The following FBLN1 variants were observed in gnomAD, a reference collection of about 807,000 sequenced individuals.
FBLN1 encodes fibulin 1, also known as fibulin-1.
In FBLN1, 34 loss-of-function variants were observed where a neutral mutation model predicts 89.7. That is an observed-to-expected ratio of 0.38 (90% confidence interval 0.29 to 0.50). The LOEUF (loss-of-function observed/expected upper bound fraction) is 0.50. Among genes scored for constraint, FBLN1 ranks in the 20% least tolerant of loss-of-function variants. The pLI, the probability that FBLN1 is intolerant of heterozygous loss-of-function variation, is 0.92. For synonymous variants in FBLN1, 393 were observed against 391.3 expected (o/e 1.00, Z -0.05); for missense variants, 777 against 988.1 (o/e 0.79, Z 2.86).
intron 2 of FBLN1, 51 bp downstream of exon 2, chr22:45,518,838 A>G (rs2088207796): frequency 6.8e-7 from 1 of 1,460,066 alleles, no homozygotes; most frequent in African/African-American, 1.4e-5. Context: ...CCTTTAGAGA[A>G]AAGTGGGGGA....
chr22:45,525,182 AGAGAG>A (rs1225969686), intron 2 of FBLN1, among the ~76,000 whole-genome samples: 21 of 90,802 alleles, frequency 2.3e-4, no homozygotes, highest in African/African-American at 8.2e-4. Context: ...AGGGAGAAAG[AGAGAG>A]AGAGAGAGAA....
At chr22:45,511,738 T>C (rs1268591143) in intron 1 of FBLN1, among the ~76,000 whole-genome samples, 1 of 152,148 alleles carries the variant, frequency 6.6e-6, no homozygotes, top group Non-Finnish European at 1.5e-5. Flanking sequence ...CATGAGCCAC[T>C]GCTCCCGGCC....
At chr22:45,552,336 A>T (rs940104187) in intron 14 of FBLN1, among the ~76,000 whole-genome samples, 4 of 152,154 alleles carry the variant, frequency 2.6e-5, no homozygotes, top group Non-Finnish European at 4.4e-5. Flanking sequence ...TGGGGAGTTC[A>T]GCCTGAAACC....
chr22:45,577,394 A>G lies in FBLN1; in HGVS notation c.1972+286A>G, dbSNP rs181881258. Among the ~76,000 whole-genome samples, 63 of 152,272 alleles carry G rather than the reference A, an allele frequency of 4.1e-4. No homozygotes were observed. Among genetic ancestry groups the G allele is most frequent in the Non-Finnish European group, 8.1e-4 (55 of 68,010 alleles). On this transcript the variant is annotated intron_variant, in intron 16 of 16. Transcript: ENST00000327858. The surrounding 1 kb of genome is among the most constrained non-coding windows in gnomAD (Gnocchi z 6.6). Reference sequence around the variant, plus strand: ...CCTATAACATGGGTGGGTTCCAGAGAGCGCTGCGCCTCACAACCATGAATT... The same window carrying G: ...CCTATAACATGGGTGGGTTCCAGAGGGCGCTGCGCCTCACAACCATGAATT...
intron 7 of FBLN1, 87 bp from the exon 8 acceptor site, chr22:45,535,113 A>T (rs2088466608): frequency 6.6e-7 from 1 of 1,519,428 alleles, no homozygotes; most frequent in Non-Finnish European, 9.1e-7. Context: ...TGCGCATTAG[A>T]AAAAAGCTTT....
chr22:45,555,810 A>G (rs1278511718), intron 14 of FBLN1, among the ~76,000 whole-genome samples: 1 of 152,174 alleles, frequency 6.6e-6, no homozygotes, highest in African/African-American at 2.4e-5. Context: ...ACCTAACATA[A>G]CTATACTTCA....
At position 45,518,764 on chromosome 22, in the gene FBLN1, T is replaced by C. The variant is rs761090177; in HGVS notation, c.162T>C (p.Tyr54=). ...ATHQKDCSLP[Y]ATESKECRMV... ...ATCAGAAGGACTGCTCGCTGCCATA[T>C]GCTACGGAATCCAAAGAATGCAGGT... is the stretch of plus-strand genomic sequence containing the variant. Residue 54 remains tyrosine, a synonymous_variant, in exon 2 of 17, where the codon TAT becomes TAC. Coordinates refer to ENST00000327858, the MANE Select transcript of FBLN1 (RefSeq NM_006486.3). 5 of 1,611,630 alleles carry C rather than the reference T, an allele frequency of 3.1e-6. No individual in the cohort carries two copies. The highest frequency in any genetic ancestry group is 1.7e-5 in the Admixed American group (1 of 59,812).
chr22:45,509,808 G>A (rs2088073822), intron 1 of FBLN1, among the ~76,000 whole-genome samples: 1 of 152,004 alleles, frequency 6.6e-6, no homozygotes, highest in South Asian at 2.1e-4. Context: ...TGCATTTCAG[G>A]CTTTTCGGTT....
chr22:45,550,406 A>G lies in FBLN1; in HGVS notation c.1574-86A>G. On this transcript the variant is annotated intron_variant, in intron 13 of 16. Coordinates refer to ENST00000327858, the MANE Select transcript of FBLN1 (RefSeq NM_006486.3). This position sits in a 1 kb window ranked among gnomAD's most constrained non-coding sequence, Gnocchi z 8.4. ...TGATCGCCACCCCTAACCCTAGTTG[A>G]TGGGAGGCCTGGGCTCCTCCGTCTC... is the stretch of plus-strand genomic sequence containing the variant. 1 of 1,599,946 alleles carries G rather than the reference A, an allele frequency of 6.3e-7. No individual in the cohort carries two copies.
chr22:45,600,759 AGGG>A lies in FBLN1; in HGVS notation c.*316_*318del. The A allele has an allele frequency of 2.4e-6, 1 of 411,432 alleles. No individual in the cohort carries two copies. The highest frequency in any genetic ancestry group is 3.7e-5 in the Admixed American group (1 of 27,248). The allele number at this position is 411,432 out of a possible 1,614,324, so 25.5% of individuals were successfully genotyped here. ...GGCCAAGGAAAGAAAGACATTTTTT[AGGG>A]GGCAGCCAGTCCAAATGCCAAAAGA... On this transcript the variant is annotated 3_prime_UTR_variant, in exon 17 of 17. Coordinates refer to ENST00000327858, the MANE Select transcript of FBLN1 (RefSeq NM_006486.3).
chr22:45,584,006 T>C (rs555777384), intron 16 of FBLN1, among the ~76,000 whole-genome samples: 2 of 152,232 alleles, frequency 1.3e-5, no homozygotes, highest in African/African-American at 4.8e-5. Context: ...TTGGGTTGTA[T>C]CCAGCTGTCC....
intron 2 of FBLN1, among the ~76,000 whole-genome samples, chr22:45,524,580 G>C (rs187545018): frequency 1.3e-5 from 2 of 152,176 alleles, no homozygotes; most frequent in Non-Finnish European, 2.9e-5. Context: ...GAGCCTGGAA[G>C]ATGGAACGAG....
intron 14 of FBLN1, among the ~76,000 whole-genome samples, chr22:45,573,982 T>TCTC (rs134820): frequency 0.78 from 118,241 of 151,776 alleles, 46,177 homozygotes; most frequent in Middle Eastern, 0.89. Context: ...TGTAGCCTCT[T>TCTC]CTGCCTCCCC....
At chr22:45,508,553 G>T (rs950945563) in intron 1 of FBLN1, among the ~76,000 whole-genome samples, 1 of 152,098 alleles carries the variant, frequency 6.6e-6, no homozygotes, top group Non-Finnish European at 1.5e-5. Context: ...GAGCCACCGC[G>T]CCCAGCCAGC....
Position 45,600,516 on chromosome 22 carries a change from T to C in FBLN1, c.*70T>C. 6.4e-7 allele frequency: 1 copy of C among 1,559,656 alleles called. No homozygotes were observed. Among genetic ancestry groups the C allele is most frequent in the Non-Finnish European group, 8.8e-7 (1 of 1,130,710 alleles). ...CATTGCTGCCAGTGACTGTGGTCTG[T>C]ACTTGTTTATACCCTCAGACTTTTT... On this transcript the variant is annotated 3_prime_UTR_variant, in exon 17 of 17. Transcript: ENST00000327858.
chr22:45,550,690 G>A lies in FBLN1; in HGVS notation c.1697+75G>A. On this transcript the variant is annotated intron_variant, in intron 14 of 16. Coordinates refer to ENST00000327858, the MANE Select transcript of FBLN1 (RefSeq NM_006486.3). This position sits in a 1 kb window ranked among gnomAD's most constrained non-coding sequence, Gnocchi z 8.4. Reference sequence around the variant, plus strand: ...GGTGACCCAGTTCCCGGGTGGGTGGGTTATCAGGCTGTGACCTCGGTGTCC... The same window carrying A: ...GGTGACCCAGTTCCCGGGTGGGTGGATTATCAGGCTGTGACCTCGGTGTCC... 6.2e-7 allele frequency: 1 copy of A among 1,607,556 alleles called. No individual in the cohort carries two copies. Among genetic ancestry groups the A allele is most frequent in the Admixed American group, 1.7e-5 (1 of 60,000 alleles).
At position 45,542,305 on chromosome 22, in the gene FBLN1, C is replaced by T. The variant is rs1015070495; in HGVS notation, c.1195+22C>T. On this transcript the variant is annotated intron_variant, in intron 10 of 16. Coordinates refer to ENST00000327858, the MANE Select transcript of FBLN1 (RefSeq NM_006486.3). ...GTCGGTGCGTGGGGGGCCCCGCAGG[C>T]CTCGGGGGAACCCAGCCACGTGGCA... 1.9e-6 allele frequency: 3 copies of T among 1,613,240 alleles called. No individual in the cohort carries two copies. In the African/African-American group the frequency reaches 4.0e-5, roughly 22 times the overall value.
At position 45,588,555 on chromosome 22, in the gene FBLN1, C is replaced by T. The variant is rs1254351554; in HGVS notation, c.1972+11447C>T. Among the ~76,000 whole-genome samples the T allele has an allele frequency of 1.3e-5, 2 of 152,112 alleles. No homozygotes were observed. The highest frequency in any genetic ancestry group is 2.9e-5 in the Non-Finnish European group (2 of 68,010). On this transcript the variant is annotated intron_variant, in intron 16 of 16. Coordinates refer to ENST00000327858, the MANE Select transcript of FBLN1 (RefSeq NM_006486.3). This position sits in a 1 kb window ranked among gnomAD's most constrained non-coding sequence, Gnocchi z 5.1. ...ACCCACTGGGGTCACCCCAACCCAG[C>T]CCCCAGCAGTTGCCCATAACTGGCC... is the stretch of plus-strand genomic sequence containing the variant.
rs1479268936 is a variant in FBLN1, at chr22:45,555,040, TA to T, written c.1697+4426del. ...CGTCCCCGTCTCCACCGCAGGAGGT[TA>T]GGACCCGTCCCCGTCTCCACCGCAG... On this transcript the variant is annotated intron_variant, in intron 14 of 16. Transcript: ENST00000327858. Among the ~76,000 whole-genome samples, 591 of 151,832 alleles carry T rather than the reference TA, an allele frequency of 3.9e-3. 34 individuals are homozygous for T. Among genetic ancestry groups the T allele is most frequent in the African/African-American group, 0.013 (544 of 41,202 alleles).
Sources: allele counts gnomAD v4.1 joint callset (sites outside exome capture counted in the v4.1 genomes callset), GRCh38; gene constraint gnomAD v4.1.1; non-coding constraint Gnocchi (gnomAD v3.1); transcripts MANE v1.5; gene names NCBI Gene and HGNC (gene_info 2026-07-23, HGNC 2026-07-21).